Variants in WDR74 observed in about 807,000 individuals in gnomAD.
WDR74 encodes the protein WD repeat-containing protein 74.
Under a neutral mutation model 45.6 loss-of-function variants are expected in WDR74, and 31 were observed. That is an observed-to-expected ratio of 0.68 (90% CI 0.51 to 0.92). The LOEUF is 0.92. WDR74 is among the 40% of genes least tolerant of loss of function. WDR74 has a pLI of 0.00. For synonymous variants in WDR74, 191 were observed against 192.4 expected (o/e 0.99, Z 0.06); for missense variants, 455 against 497.2 (o/e 0.92, Z 0.81).
upstream of WDR74, among the ~76,000 whole-genome samples, chr11:62,841,283 C>T (rs972196607): frequency 6.6e-6 from 1 of 152,106 alleles, no homozygotes; most frequent in Non-Finnish European, 1.5e-5. Context: ...TGCCATTGCA[C>T]TCTAGCCTGG....
At chr11:62,841,398 G>A (rs150918936), upstream of WDR74, among the ~76,000 whole-genome samples, 1,850 of 151,784 alleles carry the variant, frequency 0.012, 14 homozygotes, top group Non-Finnish European at 0.017. Flanking sequence ...CTACCCCAGA[G>A]GCTGAAGTAT....
upstream of WDR74, chr11:62,841,419 G>A (rs539530100): frequency 9.9e-5 from 15 of 151,988 alleles, no homozygotes; most frequent in African/African-American, 2.9e-4. Flanking sequence ...GAAGATTGCT[G>A]AAGACCACAT....
At position 62,839,313 on chromosome 11, in the gene WDR74, G is replaced by A; in HGVS notation, c.171+9C>T. 1 of 1,610,402 alleles carries A rather than the reference G, an allele frequency of 6.2e-7. No homozygotes were observed. The highest frequency in any genetic ancestry group is 8.5e-7 in the Non-Finnish European group (1 of 1,179,412). On this transcript the variant is annotated intron_variant, in intron 2 of 10. Coordinates refer to ENST00000278856, the MANE Select transcript of WDR74 (RefSeq NM_001369450.1). ...GCCCCCAGCTCCGGCCCGACCAGGG[G>A]CCACTCACCTGGGTCTCGCCGCCGG...
chr11:62,834,796 TGGA>T (rs1162131527), intron 6 of WDR74: 1 of 456,878 alleles, frequency 2.2e-6, no homozygotes, highest in Non-Finnish European at 3.9e-6. Context: ...CTAGGGGAAA[TGGA>T]GGGACAGAAA....
At position 62,834,039 on chromosome 11, in the gene WDR74, C is replaced by G. The variant is rs193023917; in HGVS notation, c.776-102G>C. Reference sequence around the variant, plus strand: ...TTCCATTTCAACATTTAATCTGCAACAAAACCCTGAGACTGGAGCTTCTAC... The same window carrying G: ...TTCCATTTCAACATTTAATCTGCAAGAAAACCCTGAGACTGGAGCTTCTAC... On this transcript the variant is annotated intron_variant, in intron 8 of 10. Transcript: ENST00000278856. 893 of 1,523,632 alleles carry G rather than the reference C, an allele frequency of 5.9e-4. 3 individuals carry two copies. In the African/African-American group the frequency reaches 9.2e-3, roughly 16 times the overall value. 94.4% of individuals were successfully genotyped at this position (1,523,632 alleles called of 1,614,324 possible).
chr11:62,839,257 T>C (rs767560991), intron 2 of WDR74, 22 bp from the exon 3 acceptor site: 1 of 1,613,084 alleles, frequency 6.2e-7, no homozygotes, highest in East Asian at 2.2e-5. Flanking sequence ...AAGGGCAAGA[T>C]GGCGAGGAGA....
chr11:62,841,564 T>G (rs560054465), upstream of WDR74: 6 of 152,164 alleles, frequency 3.9e-5, no homozygotes, highest in Non-Finnish European at 8.8e-5. Context: ...CTATTTAGCT[T>G]GTACCCTAAC....
upstream of WDR74, chr11:62,840,147 G>A (rs1349204704): frequency 6.6e-6 from 1 of 152,612 alleles, no homozygotes; most frequent in Non-Finnish European, 1.5e-5. Context: ...GATTACAGCT[G>A]GTATTACTAA....
rs1382605230 is a variant in WDR74, at chr11:62,835,433, G to C, written c.616C>G (p.Gln206Glu). Residue 206 changes from glutamine to glutamate, a missense_variant and splice_region_variant, in exon 6 of 11, where the codon CAG becomes GAG. Transcript: ENST00000278856. Reference sequence around the variant, plus strand: ...GCAGGTGTGAGGTGACACCTTACCTGGTGGTACCCTGTGCAGGTGACAAGC... The same window carrying C: ...GCAGGTGTGAGGTGACACCTTACCTCGTGGTACCCTGTGCAGGTGACAAGC... ...QKLVTCTGYH[Q>E]VRVYDPASPQ... is the part of the protein sequence containing the mutation. 6.2e-7 allele frequency: 1 copy of C among 1,613,850 alleles called. No homozygotes were observed. The highest frequency in any genetic ancestry group is 8.5e-7 in the Non-Finnish European group (1 of 1,179,780).
chr11:62,836,504 C>G (rs2084962141), intron 3 of WDR74: 1 of 164,692 alleles, frequency 6.1e-6, no homozygotes, highest in South Asian at 1.5e-4. Context: ...CAAAGTCAAA[C>G]ACCAACTTCT....
chr11:62,838,916 C>T (rs529114237), intron 3 of WDR74, among the ~76,000 whole-genome samples, 198 bp downstream of exon 3: 1 of 152,304 alleles, frequency 6.6e-6, no homozygotes, highest in African/African-American at 2.4e-5. Context: ...CCCTGTACTT[C>T]TCCCAGTGCC....
chr11:62,837,219 G>A (rs761539649), intron 3 of WDR74, among the ~76,000 whole-genome samples: 14 of 151,788 alleles, frequency 9.2e-5, no homozygotes, highest in Admixed American at 3.3e-4. Context: ...TTGGCCGGGT[G>A]CAGTGGTTCA....
At chr11:62,839,285 C>T (rs906496851) in intron 2 of WDR74, 37 bp downstream of exon 2, 1 of 1,611,338 alleles carries the variant, frequency 6.2e-7, no homozygotes, top group Non-Finnish European at 8.5e-7. Flanking sequence ...TGCTGCGCCC[C>T]AGGCCCCCAG....
At position 62,836,162 on chromosome 11, in the gene WDR74, A is replaced by C. The variant is rs1002505091; in HGVS notation, c.294-126T>G. On this transcript the variant is annotated intron_variant, in intron 3 of 10. Transcript: ENST00000278856. ...AAAAAAAAGTATAAAAGTATTCTCT[A>C]GGCCCCAAACTCATATCAACCAGAT... 11 of 998,536 alleles carry C rather than the reference A, an allele frequency of 1.1e-5. No individual in the cohort carries two copies. In the Admixed American group the frequency reaches 2.4e-4, roughly 22 times the overall value. The allele number at this position is 998,536 out of a possible 1,614,324, so 61.9% of individuals were successfully genotyped here. A position where few individuals can be genotyped will look rare whatever the true frequency, so the allele number is the denominator to read the frequency against.
chr11:62,841,342 T>A (rs78268498), upstream of WDR74, among the ~76,000 whole-genome samples: 4,830 of 151,888 alleles, frequency 0.032, 95 homozygotes, highest in Non-Finnish European at 0.047. Flanking sequence ...GAAATAAAAA[T>A]GGAAAACATT....
At chr11:62,833,296 TAAAA>T (rs1048706100) in intron 10 of WDR74, among the ~76,000 whole-genome samples, 165 bp from the exon 11 acceptor site, 8 of 50,858 alleles carry the variant, frequency 1.6e-4, no homozygotes, top group African/African-American at 5.7e-4. Flanking sequence ...AAAAGAAGTT[TAAAA>T]AAAAAAAAAA....
chr11:62,835,569 G>C, intron 5 of WDR74, 37 bp from the exon 6 acceptor site: 15 of 1,613,368 alleles, frequency 9.3e-6, no homozygotes, highest in Non-Finnish European at 1.3e-5. Context: ...GGGCTATGGG[G>C]GGCTCGATGT....
chr11:62,833,739 A>C (rs1043749930), intron 9 of WDR74, 53 bp downstream of exon 9: 1 of 1,601,716 alleles, frequency 6.2e-7, no homozygotes. Context: ...CGGAGGGCAC[A>C]GGAGGCGGGG....
At chr11:62,839,002 C>G (rs1333010484) in intron 3 of WDR74, 112 bp downstream of exon 3, 1 of 1,474,032 alleles carries the variant, frequency 6.8e-7, no homozygotes, top group Non-Finnish European at 9.2e-7. Context: ...GTCCCTGTCA[C>G]CCATTCAAAG....
Sources: allele counts gnomAD v4.1 joint callset (sites outside exome capture counted in the v4.1 genomes callset), GRCh38; gene constraint gnomAD v4.1.1; transcripts MANE v1.5; gene names NCBI Gene and HGNC (gene_info 2026-07-23, HGNC 2026-07-21).